The following CORO2B variants were observed in gnomAD, a reference collection of about 807,000 sequenced individuals.
CORO2B encodes the protein coronin-2B.
CORO2B carries 26 observed loss-of-function variants against 58.8 expected under a neutral mutation model. That is an observed-to-expected ratio of 0.44 (90% CI 0.32 to 0.61). CORO2B has a LOEUF of 0.61. CORO2B is among the 20% of genes least tolerant of loss of function. The pLI is 0.04. For synonymous variants in CORO2B, 242 were observed against 253.8 expected (o/e 0.95, Z 0.44); for missense variants, 460 against 645.1 (o/e 0.71, Z 3.11).
the CORO2B span, among the ~76,000 whole-genome samples, chr15:68,569,039 C>G: frequency 1.6e-4 from 24 of 152,252 alleles, no homozygotes; most frequent in African/African-American, 5.8e-4. Context: ...ACTAAGTTCC[C>G]ATATGCCCCC....
At chr15:68,714,087 G>C (rs555673008) in intron 6 of CORO2B, 46 bp downstream of exon 6, 1 of 1,314,908 alleles carries the variant, frequency 7.6e-7, no homozygotes. Context: ...AGGAAGCATC[G>C]TTGCCTCGGA....
the CORO2B span, among the ~76,000 whole-genome samples, chr15:68,540,077 A>G: frequency 3.5e-4 from 53 of 152,388 alleles, no homozygotes; most frequent in African/African-American, 1.3e-3. Flanking sequence ...ATTAGTTGCA[A>G]TGTGGAATTT....
At chr15:68,703,307 C>A (rs1303842575) in intron 3 of CORO2B, among the ~76,000 whole-genome samples, 1 of 151,590 alleles carries the variant, frequency 6.6e-6, no homozygotes, top group Non-Finnish European at 1.5e-5. Flanking sequence ...CGCGCTACCA[C>A]GCCCAGTTAA....
At chr15:68,587,242 G>A (rs1466986971) in intron 1 of CORO2B, among the ~76,000 whole-genome samples, 3 of 152,188 alleles carry the variant, frequency 2.0e-5, no homozygotes, top group African/African-American at 7.2e-5. Flanking sequence ...GCAGTTTGGT[G>A]TCTGCTCTGT....
At chr15:68,585,289 G>A (rs190591773) in intron 1 of CORO2B, among the ~76,000 whole-genome samples, 36 of 152,252 alleles carry the variant, frequency 2.4e-4, no homozygotes, top group African/African-American at 5.5e-4. Context: ...CGGGATGCAC[G>A]CCCAGATCTT....
intron 1 of CORO2B, among the ~76,000 whole-genome samples, chr15:68,622,218 A>G (rs1595973061): frequency 6.6e-6 from 1 of 152,194 alleles, no homozygotes; most frequent in African/African-American, 2.4e-5. Flanking sequence ...AATTGTGGCA[A>G]TGCTGCTGGG....
intron 1 of CORO2B, among the ~76,000 whole-genome samples, chr15:68,633,327 A>G (rs1406345839): frequency 6.6e-6 from 1 of 152,194 alleles, no homozygotes; most frequent in Non-Finnish European, 1.5e-5. Context: ...TTTACAAGGC[A>G]GGGAGTGAGA....
At chr15:68,631,341 C>T (rs925804189) in intron 1 of CORO2B, among the ~76,000 whole-genome samples, 3 of 152,170 alleles carry the variant, frequency 2.0e-5, no homozygotes, top group African/African-American at 7.2e-5. Flanking sequence ...GATGAGAACT[C>T]GAGCTCCAAA....
intron 2 of CORO2B, among the ~76,000 whole-genome samples, chr15:68,676,619 C>T (rs1157279489): frequency 6.6e-6 from 1 of 152,248 alleles, no homozygotes; most frequent in African/African-American, 2.4e-5. Flanking sequence ...GTGCAGGTCT[C>T]AGCCGTGTTT....
At chr15:68,708,281 A>C (rs1183749214) in intron 3 of CORO2B, among the ~76,000 whole-genome samples, 1 of 151,932 alleles carries the variant, frequency 6.6e-6, no homozygotes, top group Non-Finnish European at 1.5e-5. Flanking sequence ...TTGTCCAAGG[A>C]ATTCCCTGAG....
chr15:68,624,831 T>C (rs998721275), intron 1 of CORO2B, among the ~76,000 whole-genome samples: 1 of 152,110 alleles, frequency 6.6e-6, no homozygotes, highest in African/African-American at 2.4e-5. Flanking sequence ...TACGGGTGCC[T>C]ACCACCACGC....
upstream of CORO2B, among the ~76,000 whole-genome samples, chr15:68,577,590 G>A (rs1595947748): frequency 1.3e-5 from 2 of 152,074 alleles, no homozygotes; most frequent in South Asian, 4.2e-4. Flanking sequence ...GCGTGGTAGC[G>A]CGTTCCTGTA....
the CORO2B span, among the ~76,000 whole-genome samples, chr15:68,523,373 T>G: frequency 6.6e-6 from 1 of 151,966 alleles, no homozygotes; most frequent in Non-Finnish European, 1.5e-5. Flanking sequence ...TTTCTTAATT[T>G]TTTGTAGAGA....
At chr15:68,592,116 T>G (rs901962709) in intron 1 of CORO2B, among the ~76,000 whole-genome samples, 3 of 152,142 alleles carry the variant, frequency 2.0e-5, no homozygotes. Context: ...TGTCTCCTTC[T>G]GCGCCGTGTC....
rs570138024 is a variant in CORO2B, at chr15:68,714,394, C to T, written c.766-165C>T. ...CTTTCCACTGCCCCTGGCTGCTTTTCGTGACAAGAAAGTCAGTCTTGCCAC... is the reference window on the plus strand; with the variant it reads ...CTTTCCACTGCCCCTGGCTGCTTTTTGTGACAAGAAAGTCAGTCTTGCCAC... On this transcript the variant is annotated intron_variant, in intron 6 of 11. Transcript: ENST00000261861. 3.4e-4 allele frequency among the ~76,000 whole-genome samples: 52 copies of T among 152,284 alleles called. 1 individual carries two copies. The highest frequency in any genetic ancestry group is 1.2e-3 in the African/African-American group (48 of 41,548).
chr15:68,528,563 C>T, the CORO2B span, among the ~76,000 whole-genome samples: 2 of 152,036 alleles, frequency 1.3e-5, no homozygotes, highest in African/African-American at 4.8e-5. Flanking sequence ...GGATTTATCA[C>T]CATGAGTGAT....
intron 1 of CORO2B, among the ~76,000 whole-genome samples, chr15:68,610,254 G>A (rs1279235563): frequency 2.0e-5 from 3 of 152,128 alleles, no homozygotes; most frequent in Non-Finnish European, 4.4e-5. Context: ...TTCATAGGAC[G>A]AGACAGGTTC....
intron 1 of CORO2B, among the ~76,000 whole-genome samples, chr15:68,582,670 A>G (rs1595950685): frequency 6.6e-6 from 1 of 152,204 alleles, no homozygotes; most frequent in African/African-American, 2.4e-5. Context: ...GTACAAGTTA[A>G]TGGGCTATAA....
At chr15:68,692,359 C>T (rs1448018883) in intron 2 of CORO2B, among the ~76,000 whole-genome samples, 3 of 152,012 alleles carry the variant, frequency 2.0e-5, no homozygotes, top group East Asian at 2.0e-4. Context: ...CCAAAGCAGG[C>T]GGATCACCTG....
Sources: allele counts gnomAD v4.1 joint callset (sites outside exome capture counted in the v4.1 genomes callset), GRCh38; gene constraint gnomAD v4.1.1; transcripts MANE v1.5; gene names NCBI Gene and HGNC (gene_info 2026-07-23, HGNC 2026-07-21).